Variants in GLRA1 observed in about 807,000 individuals in gnomAD.
GLRA1 encodes glycine receptor alpha 1.
In GLRA1, 37 loss-of-function variants were observed where a neutral mutation model predicts 48.3. The observed-to-expected ratio is 0.77, with a 90% CI of 0.59 to 1.01. GLRA1 has a LOEUF of 1.01. GLRA1 is among the 50% of genes least tolerant of loss of function. GLRA1 has a pLI of 0.00. For missense variants in GLRA1, 427 were observed against 571.0 expected (o/e 0.75, Z 2.57); for synonymous variants, 196 against 210.7 (o/e 0.93, Z 0.60).
At chr5:151,911,843 C>T (rs569698229) in intron 1 of GLRA1, among the ~76,000 whole-genome samples, 2 of 152,114 alleles carry the variant, frequency 1.3e-5, no homozygotes, top group Admixed American at 6.5e-5. Flanking sequence ...CTCCTGACCT[C>T]GTGATCTGCC....
chr5:151,861,836 G>A (rs1324105935), intron 3 of GLRA1, among the ~76,000 whole-genome samples: 15 of 152,146 alleles, frequency 9.9e-5, no homozygotes, highest in South Asian at 2.1e-4. Flanking sequence ...AATCAATATC[G>A]TGAAAATGAC....
At chr5:151,921,235 T>C (rs1754865127) in intron 1 of GLRA1, among the ~76,000 whole-genome samples, 1 of 152,206 alleles carries the variant, frequency 6.6e-6, no homozygotes, top group Non-Finnish European at 1.5e-5. Context: ...TTTTGTTTTA[T>C]CAGGGTGCTT....
chr5:151,828,663 A>C (rs1763338105), intron 8 of GLRA1, among the ~76,000 whole-genome samples: 1 of 152,218 alleles, frequency 6.6e-6, no homozygotes, highest in Non-Finnish European at 1.5e-5. Flanking sequence ...TTAGTTAATC[A>C]GTTGCGCCTT....
rs191422109 is a variant in GLRA1, at chr5:151,890,251, C to G, written c.184+2060G>C. 8.5e-3 allele frequency among the ~76,000 whole-genome samples: 1,289 copies of G among 152,258 alleles called. 20 individuals are homozygous for G. Among genetic ancestry groups the G allele is most frequent in the African/African-American group, 0.029 (1,217 of 41,534 alleles). On this transcript the variant is annotated intron_variant, in intron 2 of 8. Transcript: ENST00000274576. ...TTGTGGGGTCATTTATTTATTCATT[C>G]ATTTATGAAGGTTTACTGGGGCTTT... is the stretch of plus-strand genomic sequence containing the variant.
At chr5:151,902,606 G>A (rs1358671796) in intron 1 of GLRA1, among the ~76,000 whole-genome samples, 4 of 151,992 alleles carry the variant, frequency 2.6e-5, no homozygotes, top group Non-Finnish European at 2.9e-5. Context: ...ATTTTAGATA[G>A]CATTAGTTTA....
At chr5:151,877,382 G>C (rs1487076270) in intron 3 of GLRA1, among the ~76,000 whole-genome samples, 1 of 152,128 alleles carries the variant, frequency 6.6e-6, no homozygotes, top group East Asian at 1.9e-4. Context: ...GACTAAAACA[G>C]AACTCTATCT....
chr5:151,877,423 A>G (rs1753653198), intron 3 of GLRA1, among the ~76,000 whole-genome samples: 1 of 152,246 alleles, frequency 6.6e-6, no homozygotes, highest in Non-Finnish European at 1.5e-5. Context: ...TAGCACATGT[A>G]AGACATTAAT....
intron 3 of GLRA1, among the ~76,000 whole-genome samples, chr5:151,864,105 TCTC>T (rs1029908581): frequency 6.6e-6 from 1 of 151,452 alleles, no homozygotes; most frequent in African/African-American, 2.4e-5. Context: ...AGTCTCTCCT[TCTC>T]CTTCTCCCTT....
At chr5:151,844,116 G>A (rs956985679) in intron 7 of GLRA1, among the ~76,000 whole-genome samples, 7 of 151,658 alleles carry the variant, frequency 4.6e-5, no homozygotes, top group African/African-American at 1.7e-4. Context: ...GTTGCAGTGA[G>A]TCAAGATCAT....
intron 4 of GLRA1, 35 bp from the exon 5 acceptor site, chr5:151,856,418 C>T: frequency 7.3e-7 from 1 of 1,366,706 alleles, no homozygotes; most frequent in Non-Finnish European, 1.0e-6. Context: ...GATGCAGGAT[C>T]TGCACATCAG....
Position 151,856,386 on chromosome 5 carries a change from G to T in GLRA1, c.477-3C>A. ...GGCAGGCCAGTGTCAGGGTGATTCT[G>T]GGAAGAGAAGGGATTTTGAATGATG... On this transcript the variant is annotated splice_polypyrimidine_tract_variant and splice_region_variant and intron_variant, in intron 4 of 8. Transcript: ENST00000274576. 6.3e-7 allele frequency: 1 copy of T among 1,591,700 alleles called. No homozygotes were observed. The highest frequency in any genetic ancestry group is 1.1e-5 in the South Asian group (1 of 90,606).
intron 3 of GLRA1, among the ~76,000 whole-genome samples, chr5:151,886,162 A>T (rs1753899931): frequency 6.6e-6 from 1 of 152,226 alleles, no homozygotes; most frequent in Non-Finnish European, 1.5e-5. Flanking sequence ...AAATTTGAAA[A>T]ATATATAAAT....
intron 7 of GLRA1, among the ~76,000 whole-genome samples, chr5:151,848,564 A>T (rs1401475782): frequency 1.3e-5 from 2 of 152,124 alleles, no homozygotes; most frequent in Non-Finnish European, 2.9e-5. Flanking sequence ...TTTGGGGCAG[A>T]AACACAGCAC....
chr5:151,829,074 TG>T lies in GLRA1; in HGVS notation c.913-8del. ...TGGCTTTCACATAGGACACCTAGAG[TG>T]GGGGTGGAGGAGAAACAGGGAGGTG... is the stretch of plus-strand genomic sequence containing the variant. On this transcript the variant is annotated splice_region_variant and splice_polypyrimidine_tract_variant and intron_variant, in intron 7 of 8. Coordinates refer to ENST00000274576, the MANE Select transcript of GLRA1 (RefSeq NM_000171.4). The T allele has an allele frequency of 1.9e-6, 3 of 1,612,740 alleles. No individual in the cohort carries two copies. Among genetic ancestry groups the T allele is most frequent in the Non-Finnish European group, 2.5e-6 (3 of 1,179,560 alleles).
chr5:151,885,865 A>G (rs1169609640), intron 3 of GLRA1, among the ~76,000 whole-genome samples: 2 of 152,208 alleles, frequency 1.3e-5, no homozygotes, highest in Non-Finnish European at 2.9e-5. Context: ...GGGATAAAGT[A>G]GACTGGAAGG....
intron 1 of GLRA1, among the ~76,000 whole-genome samples, chr5:151,895,883 T>G (rs1239476651): frequency 6.6e-6 from 1 of 152,154 alleles, no homozygotes; most frequent in Non-Finnish European, 1.5e-5. Flanking sequence ...TCTGCTGTTA[T>G]AGTTCACTTC....
At chr5:151,829,716 A>C (rs562338023) in intron 7 of GLRA1, among the ~76,000 whole-genome samples, 49 of 152,310 alleles carry the variant, frequency 3.2e-4, no homozygotes, top group Non-Finnish European at 5.7e-4. Flanking sequence ...CAATTTTAGA[A>C]CATTTTCATT....
rs550557544 is a variant in GLRA1, at chr5:151,913,895, C to T, written c.56+10599G>A. ...CCAGCTCTTAGAAAGGTGTCAGGCA[C>T]GAAGGAAGCACTCATGTTTTTGTTA... On this transcript the variant is annotated intron_variant, in intron 1 of 8. Coordinates refer to ENST00000274576, the MANE Select transcript of GLRA1 (RefSeq NM_000171.4). Among the ~76,000 whole-genome samples the T allele has an allele frequency of 6.6e-5, 10 of 152,258 alleles. No homozygotes were observed. In the East Asian group the frequency reaches 7.7e-4, roughly 12 times the overall value.
In GLRA1 at chr5:151,828,957, C is replaced by T. The variant is rs1310367742; in HGVS notation, c.1023G>A (p.Glu341=). 2.5e-6 allele frequency: 4 copies of T among 1,614,006 alleles called. No individual in the cohort carries two copies. In the African/African-American group the frequency reaches 4.0e-5, roughly 16 times the overall value. ...AVNFVSRQHK[E]LLRFRRKRRH... ...TCCGCTTCCTCCTGAATCGGAGCAGCTCCTTATGTTGCCGAGACACAAAGT... is the reference window on the plus strand; with the variant it reads ...TCCGCTTCCTCCTGAATCGGAGCAGTTCCTTATGTTGCCGAGACACAAAGT... Residue 341 remains glutamate, a synonymous_variant, in exon 8 of 9, where the codon GAG becomes GAA. Transcript: ENST00000274576.
Sources: allele counts gnomAD v4.1 joint callset (sites outside exome capture counted in the v4.1 genomes callset), GRCh38; gene constraint gnomAD v4.1.1; transcripts MANE v1.5; gene names NCBI Gene and HGNC (gene_info 2026-07-23, HGNC 2026-07-21).